The following AFF3 variants were observed in gnomAD, a reference collection of about 807,000 sequenced individuals.
The protein encoded by AFF3 is AF4/FMR2 family member 3.
AFF3 carries 32 observed loss-of-function variants against 129.7 expected under a neutral mutation model. That is an observed-to-expected ratio of 0.25 (90% confidence interval 0.19 to 0.33). The LOEUF is 0.33. Ranked by LOEUF, AFF3 falls within the 10% of genes least tolerant of loss-of-function variation. The pLI is 1.00. For synonymous variants in AFF3, 644 were observed against 635.4 expected (o/e 1.01, Z -0.20); for missense variants, 1,373 against 1,592.0 (o/e 0.86, Z 2.34).
rs564105602 is a variant in AFF3, at chr2:99,909,138, C to A, written c.874-71614G>T. 9.2e-5 allele frequency among the ~76,000 whole-genome samples: 14 copies of A among 152,108 alleles called. No homozygotes were observed. In the East Asian group the frequency reaches 2.7e-3, roughly 29 times the overall value. ...TTAAGAAAATGTGGCACATATACAC[C>A]ATGAAATAGTATGCAGCCATAAAAA... is the stretch of plus-strand genomic sequence containing the variant. On this transcript the variant is annotated intron_variant, in intron 7 of 24. Transcript: ENST00000672756.
chr2:99,786,773 A>G (rs769867058), intron 8 of AFF3, among the ~76,000 whole-genome samples: 16 of 152,160 alleles, frequency 1.1e-4, no homozygotes, highest in Non-Finnish European at 1.6e-4. Context: ...TTAGTGATGG[A>G]TTCAATGTGC....
intron 7 of AFF3, among the ~76,000 whole-genome samples, chr2:99,862,615 C>T (rs752066087): frequency 4.6e-5 from 7 of 152,250 alleles, no homozygotes; most frequent in Non-Finnish European, 1.0e-4. Flanking sequence ...AGGGAATTTC[C>T]ACATTCCTAG....
chr2:100,106,582 C>T lies in AFF3; in HGVS notation c.-144-999G>A, dbSNP rs988302939. 11 of 991,044 alleles carry T rather than the reference C, an allele frequency of 1.1e-5. No individual in the cohort carries two copies. In the South Asian group the frequency reaches 5.0e-4, roughly 45 times the overall value. 61.4% of individuals were successfully genotyped at this position (991,044 alleles called of 1,614,324 possible). Reference sequence around the variant, plus strand: ...TGGGGGTGGAGGGTGGAGGAGGGAGCAGGAACAGCCCCTGTCTGGAAGAAC... The same window carrying T: ...TGGGGGTGGAGGGTGGAGGAGGGAGTAGGAACAGCCCCTGTCTGGAAGAAC... On this transcript the variant is annotated intron_variant, in intron 2 of 24. Transcript: ENST00000672756.
chr2:99,727,060 A>T lies in AFF3; in HGVS notation c.1091+17T>A. The stretch of plus-strand genomic sequence containing the variant: ...TTTAAGAACAGGCATCTCTGATAGA[A>T]AATGAAAGAAACTTACGATGTATTC... On this transcript the variant is annotated intron_variant, in intron 11 of 24. Coordinates refer to ENST00000672756, the MANE Select transcript of AFF3 (RefSeq NM_001386135.1). The T allele has an allele frequency of 6.3e-7, 1 of 1,596,686 alleles. No homozygotes were observed. The highest frequency in any genetic ancestry group is 8.5e-7 in the Non-Finnish European group (1 of 1,170,606).
At chr2:100,058,298 T>C (rs1271908990) in intron 4 of AFF3, among the ~76,000 whole-genome samples, 17 of 152,220 alleles carry the variant, frequency 1.1e-4, no homozygotes, top group Non-Finnish European at 2.5e-4. Flanking sequence ...TCTTCTGCAC[T>C]CTAAGTTCAA....
At chr2:99,777,358 C>T (rs1683983505) in intron 8 of AFF3, among the ~76,000 whole-genome samples, 1 of 152,136 alleles carries the variant, frequency 6.6e-6, no homozygotes, top group Admixed American at 6.5e-5. Flanking sequence ...CCAGGCCCTT[C>T]CTGCTGGGCT....
chr2:100,071,584 G>A (rs923013409), intron 4 of AFF3, among the ~76,000 whole-genome samples: 3 of 152,114 alleles, frequency 2.0e-5, no homozygotes, highest in Non-Finnish European at 4.4e-5. Flanking sequence ...AAACCACCAC[G>A]CTCTGGCTCC....
At chr2:99,744,359 T>C (rs1210674158) in intron 9 of AFF3, among the ~76,000 whole-genome samples, 1 of 152,212 alleles carries the variant, frequency 6.6e-6, no homozygotes, top group Non-Finnish European at 1.5e-5. Flanking sequence ...TATTAATGAC[T>C]TTCTGTTTTG....
At chr2:100,055,861 G>T (rs760435071) in intron 4 of AFF3, among the ~76,000 whole-genome samples, 5 of 152,046 alleles carry the variant, frequency 3.3e-5, no homozygotes, top group African/African-American at 4.8e-5. Flanking sequence ...TGATCAATCT[G>T]TTCATCACCC....
intron 8 of AFF3, among the ~76,000 whole-genome samples, chr2:99,812,696 G>A (rs1424807143): frequency 6.6e-6 from 1 of 151,794 alleles, no homozygotes. Context: ...AATAATAATC[G>A]GTTTACTTTC....
At chr2:99,675,518 G>A (rs969736893) in intron 11 of AFF3, among the ~76,000 whole-genome samples, 2 of 152,188 alleles carry the variant, frequency 1.3e-5, no homozygotes, top group Non-Finnish European at 2.9e-5. Flanking sequence ...CAGGCCCTTG[G>A]CTCAACTCCC....
intron 7 of AFF3, among the ~76,000 whole-genome samples, chr2:99,992,532 C>T (rs1009610163): frequency 3.9e-5 from 6 of 152,164 alleles, no homozygotes; most frequent in African/African-American, 1.4e-4. Flanking sequence ...GCACAATTAT[C>T]GAACCAGAAT....
At chr2:99,861,771 T>C (rs573628919) in intron 7 of AFF3, among the ~76,000 whole-genome samples, 12 of 152,316 alleles carry the variant, frequency 7.9e-5, no homozygotes, top group African/African-American at 2.9e-4. Context: ...TAACAATAAA[T>C]GTCCAGAGCC....
rs201467917 is a variant in AFF3 at position 99,727,138 on chromosome 2, G to T, written c.1040-10C>A. 1.4e-4 allele frequency: 228 copies of T among 1,606,820 alleles called. No individual in the cohort carries two copies. The highest frequency in any genetic ancestry group is 1.2e-4 in the Admixed American group (7 of 58,428). On this transcript the variant is annotated splice_polypyrimidine_tract_variant and intron_variant, in intron 10 of 24. Transcript: ENST00000672756. ...TCTGCATCACCTTTCTCTTAAAAAG[G>T]AAGCAGAAAAAAATACCGACATATG...
At chr2:99,884,310 G>A (rs917226877) in intron 7 of AFF3, among the ~76,000 whole-genome samples, 2 of 152,048 alleles carry the variant, frequency 1.3e-5, no homozygotes, top group African/African-American at 2.4e-5. Context: ...ACGTACTTTC[G>A]TTGTACGGCT....
intron 8 of AFF3, among the ~76,000 whole-genome samples, chr2:99,816,022 G>C (rs1687204495): frequency 6.6e-6 from 1 of 151,388 alleles, no homozygotes; most frequent in Admixed American, 6.6e-5. Context: ...TTATCCAATA[G>C]GTCTTGGATG....
intron 8 of AFF3, among the ~76,000 whole-genome samples, chr2:99,828,293 G>T (rs1379295097): frequency 6.6e-6 from 1 of 152,174 alleles, no homozygotes; most frequent in Non-Finnish European, 1.5e-5. Context: ...CTCCAGCGGG[G>T]AATAAGTTAC....
chr2:99,815,623 T>A (rs1687163075), intron 8 of AFF3, among the ~76,000 whole-genome samples: 1 of 152,202 alleles, frequency 6.6e-6, no homozygotes, highest in East Asian at 1.9e-4. Flanking sequence ...TAGCAATTAA[T>A]TCCCTCAGTT....
At chr2:99,638,536 T>TG (rs1683887159) in intron 13 of AFF3, among the ~76,000 whole-genome samples, 1 of 73,568 alleles carries the variant, frequency 1.4e-5, no homozygotes, top group Admixed American at 2.0e-4. Context: ...GGAGGGGTGG[T>TG]GGGTGGGGCT....
Sources: gnomAD v4.1 joint callset for allele counts (sites outside exome capture counted in the v4.1 genomes callset) on GRCh38, gnomAD v4.1.1 for gene constraint, MANE v1.5 for transcripts, NCBI Gene and HGNC (gene_info 2026-07-23, HGNC 2026-07-21) for gene names.